The following GPR149 variants were observed in gnomAD, a reference collection of about 807,000 sequenced individuals.
The protein encoded by GPR149 is G protein-coupled receptor 149.
Under a neutral mutation model 50.2 loss-of-function variants are expected in GPR149, and 50 were observed. The ratio of observed to expected loss-of-function variants is 1.00; its 90% CI spans 0.79 to 1.26. The LOEUF (loss-of-function observed/expected upper bound fraction) is 1.26, where lower values mean the gene tolerates loss of function less well. GPR149 is among the 50% of genes most tolerant of loss of function. The pLI is 0.00. For synonymous variants in GPR149, 405 were observed against 358.2 expected, an observed-to-expected ratio of 1.13 and a Z score of -1.48; for missense variants, 983 against 895.4, an observed-to-expected ratio of 1.10 and a Z score of -1.25.
At chr3:154,427,213 T>C (rs1039873179) in intron 2 of GPR149, among the ~76,000 whole-genome samples, 3 of 152,144 alleles carry the variant, frequency 2.0e-5, no homozygotes, top group African/African-American at 7.2e-5. Flanking sequence ...GAATGTATCA[T>C]CTAAGTGCCT....
chr3:154,391,274 A>G (rs1390449631), intron 3 of GPR149, among the ~76,000 whole-genome samples: 1 of 151,904 alleles, frequency 6.6e-6, no homozygotes, highest in Non-Finnish European at 1.5e-5. Flanking sequence ...ATATAAAAAG[A>G]TATAAATCAT....
chr3:154,387,523 A>G (rs1176359707), intron 3 of GPR149, among the ~76,000 whole-genome samples: 2 of 152,194 alleles, frequency 1.3e-5, no homozygotes, highest in Non-Finnish European at 2.9e-5. Flanking sequence ...ACATAAGCTC[A>G]AACCTGTCTG....
chr3:154,426,182 T>G (rs1712288013), intron 2 of GPR149, among the ~76,000 whole-genome samples: 1 of 152,210 alleles, frequency 6.6e-6, no homozygotes, highest in African/African-American at 2.4e-5. Context: ...GACACATCAT[T>G]ATTATAAGTT....
rs1714144890 is a variant in GPR149, at chr3:154,353,708, G to T, written c.1624-15437C>A. The T allele has an allele frequency of 6.9e-6, 8 of 1,164,520 alleles. No homozygotes were observed. The East Asian group carries it at 1.6e-4, about 24-fold the overall frequency. The allele number at this position is 1,164,520 out of a possible 1,614,324, so 72.1% of individuals were successfully genotyped here. The stretch of plus-strand genomic sequence containing the variant: ...CCAAAACAAGTACCTTTGTTGAGCA[G>T]CTTTTTAAAAATTGTTTCTTGATTT... On this transcript the variant is annotated intron_variant, in intron 3 of 3. Coordinates refer to ENST00000389740, the MANE Select transcript of GPR149 (RefSeq NM_001038705.3).
At chr3:154,376,118 C>T (rs2108403863) in intron 3 of GPR149, among the ~76,000 whole-genome samples, 1 of 152,356 alleles carries the variant, frequency 6.6e-6, no homozygotes, top group East Asian at 1.9e-4. Context: ...ATCTATTACT[C>T]AGTCTATCTA....
intron 3 of GPR149, among the ~76,000 whole-genome samples, chr3:154,339,978 G>C (rs953842391): frequency 6.6e-6 from 1 of 151,378 alleles, no homozygotes; most frequent in Non-Finnish European, 1.5e-5. Context: ...TTTTTTATTA[G>C]AGACGGGGTT....
At chr3:154,365,893 T>C (rs938885315) in intron 3 of GPR149, among the ~76,000 whole-genome samples, 1 of 152,240 alleles carries the variant, frequency 6.6e-6, no homozygotes. Flanking sequence ...GCTTTTATAC[T>C]GCTTTTCTCT....
intron 3 of GPR149, chr3:154,353,602 C>A (rs967913212): frequency 1.6e-6 from 2 of 1,238,418 alleles, no homozygotes; most frequent in African/African-American, 1.5e-5. Context: ...GGTATTGCAC[C>A]ATAAAAACAC....
chr3:154,381,142 C>T (rs1438846800), intron 3 of GPR149, among the ~76,000 whole-genome samples: 2 of 152,124 alleles, frequency 1.3e-5, no homozygotes, highest in Non-Finnish European at 2.9e-5. Context: ...TTAAGCATGC[C>T]ATCATGATGG....
intron 3 of GPR149, among the ~76,000 whole-genome samples, chr3:154,400,814 C>T (rs1489090817): frequency 3.3e-5 from 5 of 152,156 alleles, no homozygotes; most frequent in Admixed American, 1.3e-4. Flanking sequence ...TTCCAAAGCC[C>T]GTGCTCTACC....
chr3:154,421,794 A>G (rs893050072), intron 2 of GPR149, among the ~76,000 whole-genome samples: 2 of 151,780 alleles, frequency 1.3e-5, no homozygotes, highest in African/African-American at 4.8e-5. Flanking sequence ...AAATTCTCAA[A>G]TACATTGTTT....
chr3:154,423,408 T>A (rs897013332), intron 2 of GPR149, among the ~76,000 whole-genome samples: 20 of 152,038 alleles, frequency 1.3e-4, no homozygotes, highest in Admixed American at 1.2e-3. Flanking sequence ...GAAATTGTTT[T>A]CTTGCTAATC....
intron 3 of GPR149, among the ~76,000 whole-genome samples, chr3:154,386,624 A>G (rs1468224118): frequency 6.6e-6 from 1 of 152,176 alleles, no homozygotes; most frequent in Non-Finnish European, 1.5e-5. Flanking sequence ...AGGAGATATC[A>G]CCTTCTACTC....
intron 3 of GPR149, among the ~76,000 whole-genome samples, chr3:154,362,910 A>G (rs1272638061): frequency 6.6e-6 from 1 of 152,222 alleles, no homozygotes; most frequent in East Asian, 1.9e-4. Flanking sequence ...CAGAAATATC[A>G]GGGCTATTTA....
At chr3:154,423,018 A>G (rs746875644) in intron 2 of GPR149, among the ~76,000 whole-genome samples, 19 of 147,288 alleles carry the variant, frequency 1.3e-4, no homozygotes, top group Non-Finnish European at 2.5e-4. Context: ...ATTGATGTCT[A>G]TGACTATAAT....
rs1188976070 is a variant in GPR149 at position 154,428,635 on chromosome 3, C to T, written c.981G>A (p.Met327Ile). 6.2e-7 allele frequency: 1 copy of T among 1,609,302 alleles called. No homozygotes were observed. Among genetic ancestry groups the T allele is most frequent in the Non-Finnish European group, 8.5e-7 (1 of 1,177,700 alleles). Residue 327 changes from methionine to isoleucine, a missense_variant and splice_region_variant, in exon 1 of 4, where the codon ATG becomes ATA. Physicochemically the swap from Met to Ile is conservative, Grantham distance 10 (BLOSUM62 1). Coordinates refer to ENST00000389740, the MANE Select transcript of GPR149 (RefSeq NM_001038705.3). ...LTKVVLWLPM[M>I]MHMVVQNVVG... ...GCTTTGTGAGCAACTGCACTTTTAC[C>T]ATCATGGGCAGCCAAAGGACGACTT... is the stretch of plus-strand genomic sequence containing the variant.
At chr3:154,414,612 C>A (rs1424836764) in intron 3 of GPR149, among the ~76,000 whole-genome samples, 3 of 151,812 alleles carry the variant, frequency 2.0e-5, no homozygotes, top group Non-Finnish European at 4.4e-5. Flanking sequence ...TGGCAGACAC[C>A]AATTTTATGA....
intron 3 of GPR149, among the ~76,000 whole-genome samples, chr3:154,392,827 C>T (rs796594441): frequency 2.6e-5 from 4 of 151,792 alleles, no homozygotes; most frequent in African/African-American, 9.7e-5. Flanking sequence ...AATTGGATTA[C>T]CTGGAAGAGA....
chr3:154,405,404 C>T (rs532775747), intron 3 of GPR149, among the ~76,000 whole-genome samples: 46 of 151,742 alleles, frequency 3.0e-4, no homozygotes, highest in Non-Finnish European at 4.4e-4. Flanking sequence ...CTGGCTAACA[C>T]GGTGAAATCC....
Sources: allele counts gnomAD v4.1 joint callset (sites outside exome capture counted in the v4.1 genomes callset), GRCh38; gene constraint gnomAD v4.1.1; transcripts MANE v1.5; gene names NCBI Gene and HGNC (gene_info 2026-07-23, HGNC 2026-07-21).